Variants in ANKRD46 observed in about 807,000 individuals in gnomAD.
ANKRD46 encodes the protein ankyrin repeat domain 46, also known as ankyrin repeat domain-containing protein 46.
Under a neutral mutation model 19.8 loss-of-function variants are expected in ANKRD46, and 13 were observed. The ratio of observed to expected loss-of-function variants is 0.66; its 90% CI spans 0.43 to 1.04. The LOEUF is 1.04. Ranked by LOEUF, ANKRD46 falls within the 50% of genes least tolerant of loss-of-function variation. The pLI is 0.00. For missense variants in ANKRD46, 185 were observed against 274.8 expected (o/e 0.67, Z 2.31); for synonymous variants, 91 against 106.9 (o/e 0.85, Z 0.92).
At chr8:100,547,911 C>T (rs979390651) in intron 1 of ANKRD46, among the ~76,000 whole-genome samples, 11 of 152,196 alleles carry the variant, frequency 7.2e-5, no homozygotes, top group African/African-American at 2.7e-4. Flanking sequence ...ACTGGTCTCT[C>T]AGTCTCATTC....
chr8:100,517,917 G>A (rs375330903), downstream of ANKRD46, among the ~76,000 whole-genome samples: 48 of 152,316 alleles, frequency 3.2e-4, no homozygotes, highest in South Asian at 6.8e-3. Context: ...AAGGCTGGGC[G>A]CAGTGGCTCA....
At chr8:100,530,797 T>C (rs780869485) in intron 2 of ANKRD46, among the ~76,000 whole-genome samples, 3 of 152,338 alleles carry the variant, frequency 2.0e-5, no homozygotes, top group African/African-American at 7.2e-5. Context: ...TATTCTGCTG[T>C]GCTCTGTGGT....
rs767641943 is a variant in ANKRD46, at chr8:100,537,903, TTATA to T, written c.-130-4596_-130-4593del. On this transcript the variant is annotated intron_variant, in intron 1 of 4. Transcript: ENST00000335659. This position sits in a 1 kb window ranked among gnomAD's most constrained non-coding sequence, Gnocchi z 4.2. ...GGCAGGGTGGGGCTTCATATTTAGC[TTATA>T]TATTTCCAATATGCCCTGCAGCTGC... 2.0e-4 allele frequency among the ~76,000 whole-genome samples: 31 copies of T among 152,304 alleles called. No homozygotes were observed. The highest frequency in any genetic ancestry group is 4.1e-4 in the South Asian group (2 of 4,824).
Position 100,510,921 on chromosome 8 carries a change from G to A in ANKRD46, c.637-282C>T, listed in dbSNP as rs1348252949. Reference sequence around the variant, plus strand: ...GTATTATTTAATGAAAGCTCAAAGAGCTGAAGCCATCTGGGAACCTAATCA... The same window carrying A: ...GTATTATTTAATGAAAGCTCAAAGAACTGAAGCCATCTGGGAACCTAATCA... On this transcript the variant is annotated intron_variant, in intron 5 of 5. Transcript: ENST00000520552. This position sits in a 1 kb window ranked among gnomAD's most constrained non-coding sequence, Gnocchi z 4.9. 6.6e-6 allele frequency among the ~76,000 whole-genome samples: 1 copy of A among 152,136 alleles called. No individual in the cohort carries two copies. Among genetic ancestry groups the A allele is most frequent in the African/African-American group, 2.4e-5 (1 of 41,410 alleles).
At chr8:100,551,759 G>C in intron 1 of ANKRD46, 1 of 516,180 alleles carries the variant, frequency 1.9e-6, no homozygotes, top group Non-Finnish European at 3.6e-6. Context: ...TCAGCACTGA[G>C]TGACCTCAGC....
In ANKRD46 at chr8:100,510,167, A is replaced by T. The variant is rs1190790675; in HGVS notation, c.*410T>A. 2.3e-5 allele frequency: 4 copies of T among 173,470 alleles called. No homozygotes were observed. Among genetic ancestry groups the T allele is most frequent in the Non-Finnish European group, 4.8e-5 (4 of 82,582 alleles). The allele number at this position is 173,470 out of a possible 1,614,324, so 10.7% of individuals were successfully genotyped here. A position where few individuals can be genotyped will look rare whatever the true frequency, so the allele number is the denominator to read the frequency against. ...CCCCAGACCGTTTTCTTCACAACTG[A>T]AATTGGATCCCCACAGTCCATGGAG... On this transcript the variant is annotated 3_prime_UTR_variant, in exon 6 of 6. Coordinates refer to the ANKRD46 transcript ENST00000520552. This position sits in a 1 kb window ranked among gnomAD's most constrained non-coding sequence, Gnocchi z 4.9.
chr8:100,536,283 C>T lies in ANKRD46; in HGVS notation c.-130-2972G>A, dbSNP rs930178939. 4.6e-5 allele frequency among the ~76,000 whole-genome samples: 7 copies of T among 151,796 alleles called. No homozygotes were observed. Among genetic ancestry groups the T allele is most frequent in the South Asian group, 4.2e-4 (2 of 4,792 alleles). ...CTGCTTGGAGAGGTGGGAAAAGTAG[C>T]GGGGAGAGATATGTGATAGTCTGAC... On this transcript the variant is annotated intron_variant, in intron 1 of 4. Coordinates refer to ENST00000335659, the MANE Select transcript of ANKRD46 (RefSeq NM_001270377.2). The surrounding 1 kb of genome is among the most constrained non-coding windows in gnomAD (Gnocchi z 4.9).
downstream of ANKRD46, among the ~76,000 whole-genome samples, chr8:100,518,859 AAAAATAAAT>A (rs1405205138): frequency 1.6e-5 from 2 of 126,524 alleles, no homozygotes; most frequent in African/African-American, 5.9e-5. Context: ...CTCAAAAAAA[AAAAATAAAT>A]AAAATAAAAA....
chr8:100,551,601 A>G lies in ANKRD46; in HGVS notation c.-131+8110T>C, dbSNP rs1017551885. 3.6e-4 allele frequency: 269 copies of G among 741,284 alleles called. No individual in the cohort carries two copies. The African/African-American group carries it at 4.4e-3, about 12-fold the overall frequency. 45.9% of individuals were successfully genotyped at this position (741,284 alleles called of 1,614,324 possible). A position where few individuals can be genotyped will look rare whatever the true frequency, so the allele number is the denominator to read the frequency against. ...CATGCAGACCATGTAGTTGAGGTCA[A>G]TGAAGGGTCATTGATGGTGACAATA... is the stretch of plus-strand genomic sequence containing the variant. On this transcript the variant is annotated intron_variant, in intron 1 of 4. Coordinates refer to ENST00000335659, the MANE Select transcript of ANKRD46 (RefSeq NM_001270377.2).
At chr8:100,556,300 C>T (rs1023465524) in intron 1 of ANKRD46, among the ~76,000 whole-genome samples, 2 of 152,208 alleles carry the variant, frequency 1.3e-5, no homozygotes, top group African/African-American at 4.8e-5. Context: ...GGATTACAGG[C>T]ATGAGCCACT....
intron 1 of ANKRD46, among the ~76,000 whole-genome samples, chr8:100,533,655 T>C (rs1812007235): frequency 6.6e-6 from 1 of 152,204 alleles, no homozygotes; most frequent in African/African-American, 2.4e-5. Flanking sequence ...ATTTTTCACA[T>C]TATAAATGGA....
At chr8:100,541,098 A>C (rs1812166614) in intron 1 of ANKRD46, among the ~76,000 whole-genome samples, 1 of 150,794 alleles carries the variant, frequency 6.6e-6, no homozygotes, top group African/African-American at 2.4e-5. Context: ...ATTCTCACTA[A>C]CTGTGAATTT....
chr8:100,531,604 C>CT (rs1450390684), intron 2 of ANKRD46, among the ~76,000 whole-genome samples: 1 of 151,994 alleles, frequency 6.6e-6, no homozygotes, highest in Admixed American at 6.6e-5. Context: ...CACAGTTAGG[C>CT]TTTTTTATAC....
chr8:100,541,022 T>C (rs936573136), intron 1 of ANKRD46, among the ~76,000 whole-genome samples: 2 of 149,440 alleles, frequency 1.3e-5, no homozygotes, highest in African/African-American at 2.5e-5. Flanking sequence ...CAGCATCTAG[T>C]ATGGCATAAG....
intron 1 of ANKRD46, among the ~76,000 whole-genome samples, chr8:100,553,578 G>A (rs141904451): frequency 6.7e-4 from 102 of 152,076 alleles, no homozygotes; most frequent in African/African-American, 2.1e-3. Context: ...GTGAAACCCC[G>A]TCTCCACTAA....
In ANKRD46 at chr8:100,524,969, T is replaced by C. The variant is rs1431931252; in HGVS notation, c.471-2198A>G. The stretch of plus-strand genomic sequence containing the variant: ...CATGTATCTTTTTTAAAAAATGTGA[T>C]AGCTATACTGTTTTTGTTATCCCAT... On this transcript the variant is annotated intron_variant, in intron 4 of 4. Coordinates refer to ENST00000335659, the MANE Select transcript of ANKRD46 (RefSeq NM_001270377.2). This position sits in a 1 kb window ranked among gnomAD's most constrained non-coding sequence, Gnocchi z 4.3. 6.6e-6 allele frequency among the ~76,000 whole-genome samples: 1 copy of C among 152,028 alleles called. No homozygotes were observed. Among genetic ancestry groups the C allele is most frequent in the Admixed American group, 6.6e-5 (1 of 15,248 alleles).
At chr8:100,518,839 G>A (rs188301238), downstream of ANKRD46, among the ~76,000 whole-genome samples, 1,790 of 149,428 alleles carry the variant, frequency 0.012, 39 homozygotes, top group African/African-American at 0.041. Flanking sequence ...GCGACAGAGC[G>A]AGACTCTGTC....
intron 5 of ANKRD46, among the ~76,000 whole-genome samples, chr8:100,512,727 T>C (rs6468723): frequency 0.84 from 127,345 of 152,196 alleles, 53,878 homozygotes; most frequent in African/African-American, 0.88. Flanking sequence ...TAGAGGAATA[T>C]CTTTTGAAAG....
rs1444630397 is a variant in ANKRD46 at position 100,527,308 on chromosome 8, C to T, written c.470+537G>A. ...TGTGTTAAATACTATCTTGCTTTCCCTCTCTTGTTTTCTTGTTTCTCAGCA... is the reference window on the plus strand; with the variant it reads ...TGTGTTAAATACTATCTTGCTTTCCTTCTCTTGTTTTCTTGTTTCTCAGCA... On this transcript the variant is annotated intron_variant, in intron 4 of 4. Coordinates refer to ENST00000335659, the MANE Select transcript of ANKRD46 (RefSeq NM_001270377.2). The surrounding 1 kb of genome is among the most constrained non-coding windows in gnomAD (Gnocchi z 4.0). Among the ~76,000 whole-genome samples the T allele has an allele frequency of 6.6e-6, 1 of 152,176 alleles. No individual in the cohort carries two copies. Among genetic ancestry groups the T allele is most frequent in the Non-Finnish European group, 1.5e-5 (1 of 68,032 alleles).
Sources: gnomAD v4.1 joint callset for allele counts (sites outside exome capture counted in the v4.1 genomes callset) on GRCh38, gnomAD v4.1.1 for gene constraint, Gnocchi (gnomAD v3.1) non-coding constraint, MANE v1.5 for transcripts, NCBI Gene and HGNC (gene_info 2026-07-23, HGNC 2026-07-21) for gene names.